The following PDZRN3 variants were observed in gnomAD, a reference collection of about 807,000 sequenced individuals.
PDZRN3 encodes the protein PDZ domain containing ring finger 3.
In PDZRN3, 38 loss-of-function variants were observed where a neutral mutation model predicts 85.7. The ratio of observed to expected loss-of-function variants is 0.44; its 90% CI spans 0.34 to 0.58. The LOEUF is 0.58. Among genes scored for constraint, PDZRN3 ranks in the 20% least tolerant of loss-of-function variants. PDZRN3 has a pLI of 0.01. For synonymous variants in PDZRN3, 759 were observed against 638.0 expected (o/e 1.19, Z -2.86); for missense variants, 1,629 against 1,506.4 (o/e 1.08, Z -1.35).
chr3:73,541,037 A>G (rs1040086927), intron 3 of PDZRN3, among the ~76,000 whole-genome samples: 12 of 152,210 alleles, frequency 7.9e-5, no homozygotes, highest in Admixed American at 7.2e-4. Flanking sequence ...TTAAGAAGCA[A>G]AGGGGTCCTG....
At chr3:73,550,953 G>A (rs1701538184) in intron 3 of PDZRN3, among the ~76,000 whole-genome samples, 1 of 152,304 alleles carries the variant, frequency 6.6e-6, no homozygotes, top group South Asian at 2.1e-4. Flanking sequence ...TATAATGAGA[G>A]TTATCAGAAA....
intron 3 of PDZRN3, among the ~76,000 whole-genome samples, chr3:73,527,965 AG>A (rs559428208): frequency 1.3e-3 from 192 of 152,342 alleles, no homozygotes; most frequent in African/African-American, 4.4e-3. Flanking sequence ...TCAACTCATG[AG>A]GTCTCTCTGT....
At chr3:73,404,488 C>T in intron 3 of PDZRN3, 93 bp from the exon 4 acceptor site, 1 of 1,363,416 alleles carries the variant, frequency 7.3e-7, no homozygotes, top group South Asian at 1.4e-5. Flanking sequence ...GTGTAAGCAG[C>T]TAAAAGAAAG....
At chr3:73,447,343 C>T (rs566076247) in intron 3 of PDZRN3, among the ~76,000 whole-genome samples, 2 of 152,188 alleles carry the variant, frequency 1.3e-5, no homozygotes, top group Non-Finnish European at 2.9e-5. Flanking sequence ...TCCTAGCTTC[C>T]TGTTGCCTGT....
At chr3:73,405,109 G>GTC (rs1458174309) in intron 3 of PDZRN3, among the ~76,000 whole-genome samples, 1 of 152,134 alleles carries the variant, frequency 6.6e-6, no homozygotes, top group Non-Finnish European at 1.5e-5. Flanking sequence ...TCTCATCATA[G>GTC]TCCTGTGAAG....
intron 3 of PDZRN3, among the ~76,000 whole-genome samples, chr3:73,599,633 G>A (rs1037643698): frequency 5.3e-5 from 8 of 152,112 alleles, no homozygotes; most frequent in South Asian, 2.1e-4. Context: ...ATACACACAC[G>A]GACATTTCAA....
intron 3 of PDZRN3, among the ~76,000 whole-genome samples, chr3:73,415,123 G>A (rs1235005911): frequency 1.3e-5 from 2 of 152,198 alleles, no homozygotes; most frequent in African/African-American, 2.4e-5. Context: ...CTGTCCCTAG[G>A]AAGTTGACAG....
intron 1 of PDZRN3, 66 bp downstream of exon 1, chr3:73,624,037 G>A (rs79280925): frequency 0.044 from 59,475 of 1,360,168 alleles, 1,432 homozygotes; most frequent in Non-Finnish European, 0.047. Context: ...TACCCAAAGG[G>A]ATGGGGCGGG....
intron 3 of PDZRN3, among the ~76,000 whole-genome samples, chr3:73,569,720 C>G (rs1453827785): frequency 6.6e-6 from 1 of 152,308 alleles, no homozygotes; most frequent in East Asian, 1.9e-4. Context: ...CTGAGCCTAC[C>G]CCTGGCCAAA....
At chr3:73,421,393 G>A (rs1702199625) in intron 3 of PDZRN3, among the ~76,000 whole-genome samples, 1 of 152,206 alleles carries the variant, frequency 6.6e-6, no homozygotes, top group Non-Finnish European at 1.5e-5. Context: ...CTCTGAGGGA[G>A]AGGGAGGTCC....
intron 1 of PDZRN3, among the ~76,000 whole-genome samples, chr3:73,617,278 G>C (rs1472459688): frequency 3.3e-5 from 5 of 152,212 alleles, no homozygotes; most frequent in African/African-American, 1.2e-4. Context: ...TGGAATGAGT[G>C]AGAAAGATGG....
chr3:73,469,123 GAGTGC>G (rs2106881245), intron 3 of PDZRN3, among the ~76,000 whole-genome samples: 1 of 149,342 alleles, frequency 6.7e-6, no homozygotes, highest in Admixed American at 6.7e-5. Context: ...ACCCAGGCTA[GAGTGC>G]AGTGGCACAA....
intron 3 of PDZRN3, among the ~76,000 whole-genome samples, chr3:73,578,162 CTTT>C (rs61521063): frequency 4.3e-5 from 5 of 115,316 alleles, no homozygotes; most frequent in Non-Finnish European, 5.3e-5. Context: ...TTTGACCATT[CTTT>C]TTTTTTTTTT....
chr3:73,592,381 G>A (rs13076344), intron 3 of PDZRN3, among the ~76,000 whole-genome samples: 53 of 117,218 alleles, frequency 4.5e-4, no homozygotes, highest in Non-Finnish European at 8.9e-4. Context: ...TGAGGGGTGT[G>A]GGAGTGCCTA....
At chr3:73,458,284 C>T (rs1372489953) in intron 3 of PDZRN3, among the ~76,000 whole-genome samples, 1 of 151,642 alleles carries the variant, frequency 6.6e-6, no homozygotes, top group Non-Finnish European at 1.5e-5. Context: ...AGCAGATGCC[C>T]GTAACAGCTG....
At chr3:73,553,187 G>C (rs1481300257) in intron 3 of PDZRN3, among the ~76,000 whole-genome samples, 1 of 152,188 alleles carries the variant, frequency 6.6e-6, no homozygotes, top group African/African-American at 2.4e-5. Flanking sequence ...ATATGGGAAG[G>C]TCATGCACCA....
intron 2 of PDZRN3, among the ~76,000 whole-genome samples, chr3:73,605,401 C>A (rs9866634): frequency 1.3e-5 from 2 of 151,944 alleles, no homozygotes; most frequent in Non-Finnish European, 2.9e-5. Context: ...GGGTACCTAA[C>A]GATAAAGTAC....
chr3:73,451,533 TTGGTCATGGTGCAAAGA>T (rs1359132864), intron 3 of PDZRN3, among the ~76,000 whole-genome samples: 1 of 152,148 alleles, frequency 6.6e-6, no homozygotes, highest in Non-Finnish European at 1.5e-5. Flanking sequence ...GTCTGTCACT[TTGGTCATGGTGCAAAGA>T]TGTGCCAAAC....
chr3:73,613,566 C>T (rs74830485), intron 1 of PDZRN3, among the ~76,000 whole-genome samples: 8 of 151,796 alleles, frequency 5.3e-5, no homozygotes, highest in South Asian at 2.1e-4. Context: ...TGGATTGGTA[C>T]GAAAAGAAGG....
Sources: allele counts gnomAD v4.1 joint callset (sites outside exome capture counted in the v4.1 genomes callset), GRCh38; gene constraint gnomAD v4.1.1; transcripts MANE v1.5; gene names NCBI Gene and HGNC (gene_info 2026-07-23, HGNC 2026-07-21).